The following TUSC3 variants were observed in gnomAD, a reference collection of about 807,000 sequenced individuals.
TUSC3 encodes dolichyl-diphosphooligosaccharide--protein glycosyltransferase subunit TUSC3.
In TUSC3, 45 loss-of-function variants were observed where a neutral mutation model predicts 44.8. The ratio of observed to expected loss-of-function variants is 1.00; its 90% CI spans 0.79 to 1.29. TUSC3 has a LOEUF of 1.29. Ranked by LOEUF, TUSC3 falls within the 50% of genes most tolerant of loss-of-function variation. TUSC3 has a pLI of 0.00. For missense variants in TUSC3, 519 were observed against 437.9 expected (o/e 1.19, Z -1.65); for synonymous variants, 212 against 152.9 (o/e 1.39, Z -2.85).
At chr8:15,689,052 A>G (rs1808772816) in intron 6 of TUSC3, 3 of 328,198 alleles carry the variant, frequency 9.1e-6, no homozygotes, top group East Asian at 2.0e-4. Context: ...TGACTCGTCA[A>G]TGTCATTTAC....
At chr8:15,777,421 A>G in the TUSC3 span, among the ~76,000 whole-genome samples, 1 of 152,254 alleles carries the variant, frequency 6.6e-6, no homozygotes, top group Non-Finnish European at 1.5e-5. Context: ...CTTGGTGCCA[A>G]AGCTCAAAAA....
chr8:15,698,045 A>C (rs1809244510), intron 6 of TUSC3, among the ~76,000 whole-genome samples: 1 of 152,186 alleles, frequency 6.6e-6, no homozygotes, highest in Non-Finnish European at 1.5e-5. Flanking sequence ...TACAAATTTA[A>C]AAACAATTTA....
intron 2 of TUSC3, among the ~76,000 whole-genome samples, chr8:15,642,212 C>A (rs761509348): frequency 1.3e-5 from 2 of 152,122 alleles, no homozygotes; most frequent in Non-Finnish European, 2.9e-5. Context: ...CAAGATAGAT[C>A]TCTCTCTATA....
At chr8:15,452,412 A>C (rs1323908285) in intron 1 of TUSC3, among the ~76,000 whole-genome samples, 2 of 152,216 alleles carry the variant, frequency 1.3e-5, no homozygotes, top group Admixed American at 1.3e-4. Flanking sequence ...CACGCCTTTA[A>C]TTAAATTCAT....
At chr8:15,626,661 C>G (rs1023228645) in intron 2 of TUSC3, among the ~76,000 whole-genome samples, 3 of 152,188 alleles carry the variant, frequency 2.0e-5, no homozygotes, top group East Asian at 3.9e-4. Flanking sequence ...CTTCCACTGC[C>G]TGGTCTCTCC....
intron 6 of TUSC3, among the ~76,000 whole-genome samples, chr8:15,718,661 A>G (rs375399897): frequency 2.0e-5 from 3 of 152,230 alleles, no homozygotes; most frequent in Admixed American, 1.3e-4. Flanking sequence ...TATAATTAAC[A>G]TACAATTTAC....
chr8:15,764,586 T>C lies in TUSC3; in HGVS notation c.*430T>C, dbSNP rs929520596. The C allele has an allele frequency of 1.4e-5, 3 of 212,266 alleles. No homozygotes were observed. The highest frequency in any genetic ancestry group is 2.9e-5 in the Non-Finnish European group (3 of 104,278). The allele number at this position is 212,266 out of a possible 1,614,324, so 13.1% of individuals were successfully genotyped here. A position where few individuals can be genotyped will look rare whatever the true frequency, so the allele number is the denominator to read the frequency against. ...AAAGATTCTTAGTATTGTACAGGGATAAAGCAAATGCATGAAAATATGTCA... is the reference window on the plus strand; with the variant it reads ...AAAGATTCTTAGTATTGTACAGGGACAAAGCAAATGCATGAAAATATGTCA... On this transcript the variant is annotated 3_prime_UTR_variant, in exon 11 of 11. Transcript: ENST00000503731.
chr8:15,638,474 G>A (rs1806193812), intron 2 of TUSC3, among the ~76,000 whole-genome samples: 1 of 149,106 alleles, frequency 6.7e-6, no homozygotes, highest in Non-Finnish European at 1.5e-5. Flanking sequence ...TGACCACACA[G>A]AAGGAAGTTC....
chr8:15,563,685 C>CAAAAAAAAAAAAAAA (rs150368776), intron 1 of TUSC3, among the ~76,000 whole-genome samples: 39 of 79,946 alleles, frequency 4.9e-4, no homozygotes, highest in African/African-American at 1.0e-3. Context: ...GCCTCCATCT[C>CAAAAAAAAAAAAAAA]AAAAAAAAAA....
intron 1 of TUSC3, among the ~76,000 whole-genome samples, chr8:15,562,528 AAGTCTGGGCATGGTGT>A (rs1190104878): frequency 4.6e-5 from 7 of 152,250 alleles, no homozygotes; most frequent in African/African-American, 1.7e-4. Context: ...TAGATGTCAG[AAGTCTGGGCATGGTGT>A]AGCTGGATTC....
chr8:15,738,519 C>T (rs1811031743), intron 7 of TUSC3, among the ~76,000 whole-genome samples: 1 of 152,100 alleles, frequency 6.6e-6, no homozygotes, highest in Non-Finnish European at 1.5e-5. Flanking sequence ...ACTACTTTTG[C>T]ACTACAACAA....
At chr8:15,699,155 A>T (rs1197300427) in intron 6 of TUSC3, among the ~76,000 whole-genome samples, 1 of 152,184 alleles carries the variant, frequency 6.6e-6, no homozygotes, top group Non-Finnish European at 1.5e-5. Flanking sequence ...AGCCATCTTC[A>T]GCCTATTTTA....
chr8:15,621,767 A>C (rs1390186889), intron 1 of TUSC3, among the ~76,000 whole-genome samples: 1 of 143,498 alleles, frequency 7.0e-6, no homozygotes, highest in South Asian at 2.1e-4. Flanking sequence ...GGTTGTGGCA[A>C]AATTGGGTCT....
rs1239986811 is a variant in TUSC3 at position 15,692,268 on chromosome 8, A to G, written c.798+18432A>G. Among the ~76,000 whole-genome samples the G allele has an allele frequency of 3.4e-5, 5 of 146,092 alleles. No individual in the cohort carries two copies. The East Asian group carries it at 6.2e-4, about 18-fold the overall frequency. Reference sequence around the variant, plus strand: ...TTTGGATCCATGTTCATAAAAAAATATTGGCCTACTGTTTTCTTGTTTTGT... The same window carrying G: ...TTTGGATCCATGTTCATAAAAAAATGTTGGCCTACTGTTTTCTTGTTTTGT... On this transcript the variant is annotated intron_variant, in intron 6 of 10. Coordinates refer to ENST00000503731, the MANE Select transcript of TUSC3 (RefSeq NM_006765.4).
intron 2 of TUSC3, among the ~76,000 whole-genome samples, chr8:15,534,587 T>G (rs1801496203): frequency 7.0e-6 from 1 of 142,200 alleles, no homozygotes; most frequent in Admixed American, 7.6e-5. Context: ...AGCTTGCCAG[T>G]GGCCGAGATC....
chr8:15,694,026 C>A (rs926907822), intron 6 of TUSC3, among the ~76,000 whole-genome samples: 4 of 152,076 alleles, frequency 2.6e-5, no homozygotes, highest in African/African-American at 9.7e-5. Flanking sequence ...TGTCTTTCAT[C>A]TCCTGTATAG....
chr8:15,666,061 A>G (rs553559826), intron 5 of TUSC3, among the ~76,000 whole-genome samples: 1 of 151,682 alleles, frequency 6.6e-6, no homozygotes, highest in African/African-American at 2.4e-5. Context: ...CATAATTTCA[A>G]AAAGTGTAGC....
chr8:15,712,652 A>T (rs528716250), intron 6 of TUSC3, among the ~76,000 whole-genome samples: 2 of 152,042 alleles, frequency 1.3e-5, no homozygotes, highest in South Asian at 4.2e-4. Context: ...CCAATCCCCA[A>T]TCCTTTTAAG....
At chr8:15,715,006 A>G (rs542963304) in intron 6 of TUSC3, among the ~76,000 whole-genome samples, 1 of 152,168 alleles carries the variant, frequency 6.6e-6, no homozygotes, top group African/African-American at 2.4e-5. Context: ...TTGCATTTGA[A>G]TGCAGGTGTC....
Sources: gnomAD v4.1 joint callset for allele counts (sites outside exome capture counted in the v4.1 genomes callset) on GRCh38, gnomAD v4.1.1 for gene constraint, MANE v1.5 for transcripts, NCBI Gene and HGNC (gene_info 2026-07-23, HGNC 2026-07-21) for gene names.